Variants in SIK3 observed in about 807,000 individuals in gnomAD.
SIK3 encodes serine/threonine-protein kinase SIK3.
Under a neutral mutation model 144.2 loss-of-function variants are expected in SIK3, and 28 were observed. That is an observed-to-expected ratio of 0.19 (90% confidence interval 0.14 to 0.27). The LOEUF (loss-of-function observed/expected upper bound fraction) is 0.27, where lower values mean the gene tolerates loss of function less well. Ranked by LOEUF, SIK3 falls within the 10% of genes least tolerant of loss-of-function variation. The pLI is 1.00. For synonymous variants in SIK3, 686 were observed against 676.3 expected, an observed-to-expected ratio of 1.01 and a Z score of -0.22; for missense variants, 1,319 against 1,776.0, an observed-to-expected ratio of 0.74 and a Z score of 4.62.
chr11:117,035,486 T>TC (rs1334175136), intron 1 of SIK3, among the ~76,000 whole-genome samples: 3 of 152,216 alleles, frequency 2.0e-5, no homozygotes, highest in Non-Finnish European at 4.4e-5. Flanking sequence ...GCTTTGGCTA[T>TC]CCCCCATCTG....
chr11:117,039,062 AAAAG>A (rs967576031), intron 1 of SIK3, among the ~76,000 whole-genome samples: 1 of 152,140 alleles, frequency 6.6e-6, no homozygotes, highest in African/African-American at 2.4e-5. Context: ...AAAAAAAAGA[AAAAG>A]AAATATCGCA....
intron 4 of SIK3, among the ~76,000 whole-genome samples, chr11:116,916,889 G>A (rs1383959063): frequency 3.3e-5 from 5 of 151,914 alleles, no homozygotes; most frequent in African/African-American, 1.2e-4. Flanking sequence ...AAGATCACTT[G>A]AGCTCAGGAG....
At chr11:117,096,522 A>G (rs1955479178) in intron 1 of SIK3, among the ~76,000 whole-genome samples, 1 of 152,190 alleles carries the variant, frequency 6.6e-6, no homozygotes, top group South Asian at 2.1e-4. Flanking sequence ...AGCACACCAA[A>G]GTCTTGGCTC....
intron 1 of SIK3, among the ~76,000 whole-genome samples, chr11:117,034,190 T>C (rs1952392887): frequency 6.6e-6 from 1 of 152,160 alleles, no homozygotes; most frequent in Admixed American, 6.5e-5. Flanking sequence ...CATGAAGAAC[T>C]AGTATACATT....
chr11:116,897,115 T>A (rs1157156082), intron 5 of SIK3, 78 bp downstream of exon 5: 4 of 1,435,688 alleles, frequency 2.8e-6, no homozygotes, highest in Non-Finnish European at 3.8e-6. Flanking sequence ...CATCATTATG[T>A]ATCCTTCAGG....
chr11:116,981,849 A>AAATT (rs1168216433), intron 1 of SIK3, among the ~76,000 whole-genome samples: 1 of 152,188 alleles, frequency 6.6e-6, no homozygotes, highest in East Asian at 1.9e-4. Flanking sequence ...CCTGTCTCTA[A>AAATT]AATTAATTAA....
At chr11:116,957,126 T>C (rs1169025628) in intron 1 of SIK3, 62 bp from the exon 2 acceptor site, 5 of 829,940 alleles carry the variant, frequency 6.0e-6, no homozygotes, top group Non-Finnish European at 9.2e-6. Context: ...CTAAGAAAAA[T>C]TAGGTTCACT....
intron 1 of SIK3, among the ~76,000 whole-genome samples, chr11:117,036,517 G>C (rs1278821430): frequency 6.6e-6 from 1 of 152,044 alleles, no homozygotes; most frequent in Non-Finnish European, 1.5e-5. Context: ...AAAATTGTTA[G>C]AAGAAAAGAA....
chr11:116,931,261 A>G (rs1947589820), intron 3 of SIK3, among the ~76,000 whole-genome samples: 1 of 152,250 alleles, frequency 6.6e-6, no homozygotes, highest in African/African-American at 2.4e-5. Flanking sequence ...AGTTTGCTTC[A>G]GAATTCACTG....
At chr11:117,053,336 T>C (rs1264107482) in intron 1 of SIK3, among the ~76,000 whole-genome samples, 1 of 148,030 alleles carries the variant, frequency 6.8e-6, no homozygotes, top group East Asian at 2.0e-4. Context: ...GACTCTGTCT[T>C]GGAAAAAAAA....
intron 1 of SIK3, among the ~76,000 whole-genome samples, chr11:117,021,559 T>G (rs142767426): frequency 4.1e-4 from 62 of 152,332 alleles, no homozygotes; most frequent in Middle Eastern, 3.4e-3. Context: ...CTCTGTTTAT[T>G]ATTCTAGAAA....
intron 1 of SIK3, among the ~76,000 whole-genome samples, chr11:117,023,332 T>C (rs1477537978): frequency 6.6e-6 from 1 of 152,022 alleles, no homozygotes; most frequent in East Asian, 1.9e-4. Flanking sequence ...AGAAAATAGT[T>C]ATCTCTGTCC....
At chr11:116,965,748 T>TATATATAC (rs1555113337) in intron 1 of SIK3, among the ~76,000 whole-genome samples, 6 of 42,796 alleles carry the variant, frequency 1.4e-4, no homozygotes, top group African/African-American at 4.4e-4. Context: ...TATATATATA[T>TATATATAC]ATATATATAT....
intron 1 of SIK3, among the ~76,000 whole-genome samples, chr11:116,993,963 G>A (rs1388772561): frequency 6.6e-6 from 1 of 152,206 alleles, no homozygotes; most frequent in African/African-American, 2.4e-5. Flanking sequence ...ACATGTGTTT[G>A]TGTGCATGTA....
At chr11:116,955,795 G>C (rs925647127) in intron 2 of SIK3, among the ~76,000 whole-genome samples, 4 of 152,088 alleles carry the variant, frequency 2.6e-5, no homozygotes, top group Non-Finnish European at 5.9e-5. Flanking sequence ...ACATAATTTA[G>C]GCTGATAAAT....
In SIK3 at chr11:116,858,087, G is replaced by A. The variant is rs1244697973; in HGVS notation, c.3378C>T (p.Thr1126=). Residue 1126 remains threonine (T), a synonymous_variant, in exon 21 of 25, where the codon ACC becomes ACT. Transcript: ENST00000445177. The surrounding 1 kb of genome is among the most constrained non-coding windows in gnomAD (Gnocchi z 5.4). ...GCTGGTGAGCATACCCGTGGGGCGG[G>A]GTGGGTGAGGAAGCCTGTGAGACAC... ...QECVSQASSP[T]PPHGYAHQPA... is the part of the protein sequence containing the mutation. The A allele has an allele frequency of 6.2e-7, 1 of 1,614,060 alleles. No individual in the cohort carries two copies. The highest frequency in any genetic ancestry group is 8.5e-7 in the Non-Finnish European group (1 of 1,179,950).
At chr11:117,014,593 C>T (rs915485973) in intron 1 of SIK3, among the ~76,000 whole-genome samples, 1 of 146,714 alleles carries the variant, frequency 6.8e-6, no homozygotes, top group Non-Finnish European at 1.5e-5. Flanking sequence ...AAGGGGGGCT[C>T]ATCTCCAAAA....
chr11:116,864,845 T>A (rs1334153746), intron 15 of SIK3: 1 of 152,258 alleles, frequency 6.6e-6, no homozygotes, highest in African/African-American at 2.4e-5. Context: ...GGAAGCAGGT[T>A]AACAAGCGAG....
chr11:116,850,368 A>G (rs1352169981), intron 21 of SIK3, among the ~76,000 whole-genome samples: 1 of 152,200 alleles, frequency 6.6e-6, no homozygotes, highest in East Asian at 1.9e-4. Flanking sequence ...ATCTATGCAC[A>G]ATTCTATGCA....
Sources: gnomAD v4.1 joint callset for allele counts (sites outside exome capture counted in the v4.1 genomes callset) on GRCh38, gnomAD v4.1.1 for gene constraint, Gnocchi (gnomAD v3.1) non-coding constraint, MANE v1.5 for transcripts, NCBI Gene and HGNC (gene_info 2026-07-23, HGNC 2026-07-21) for gene names.